The following WBP2 variants were observed in gnomAD, a reference collection of about 807,000 sequenced individuals.
The protein encoded by WBP2 is WW domain binding protein 2, also known as WW domain-binding protein 2.
In WBP2, 23 loss-of-function variants were observed where a neutral mutation model predicts 33.0. That is an observed-to-expected ratio of 0.70 (90% CI 0.50 to 0.99). The LOEUF is 0.99. Among genes scored for constraint, WBP2 ranks in the 50% least tolerant of loss-of-function variants. WBP2 has a pLI of 0.00. For synonymous variants in WBP2, 153 were observed against 133.5 expected, an observed-to-expected ratio of 1.15 and a Z score of -1.01; for missense variants, 353 against 358.0, an observed-to-expected ratio of 0.99 and a Z score of 0.11.
rs769150341 is a variant in WBP2 at position 75,848,703 on chromosome 17, A to G, written c.305-41T>C. The G allele has an allele frequency of 1.2e-5, 19 of 1,553,822 alleles. No individual in the cohort carries two copies. In the Middle Eastern group the frequency reaches 6.7e-4, roughly 55 times the overall value. On this transcript the variant is annotated intron_variant, in intron 3 of 7. Transcript: ENST00000254806. ...CAGTGAATAAACAGCACAGGAAAAGAAAACTTATGCCCAAAGAGATGGCTG... is the reference window on the plus strand; with the variant it reads ...CAGTGAATAAACAGCACAGGAAAAGGAAACTTATGCCCAAAGAGATGGCTG...
chr17:75,853,176 A>G (rs1487599426), intron 1 of WBP2, among the ~76,000 whole-genome samples: 1 of 152,054 alleles, frequency 6.6e-6, no homozygotes, highest in Non-Finnish European at 1.5e-5. Context: ...CCTTCCAAGT[A>G]GCTGGGATTA....
intron 6 of WBP2, 169 bp from the exon 7 acceptor site, chr17:75,847,153 C>T (rs557433034): frequency 6.8e-6 from 5 of 734,734 alleles, no homozygotes; most frequent in Admixed American, 2.5e-5. Context: ...TGGCACGGTC[C>T]TTTCCAGGCC....
At chr17:75,848,861 G>A (rs1020082737) in intron 3 of WBP2, 199 bp from the exon 4 acceptor site, 129 of 605,574 alleles carry the variant, frequency 2.1e-4, no homozygotes, top group Middle Eastern at 8.8e-4. Context: ...GCCTGGCCTG[G>A]CCCTGCTGTA....
At chr17:75,851,467 G>A (rs2143928483) in intron 2 of WBP2, 101 bp downstream of exon 2, 5 of 836,684 alleles carry the variant, frequency 6.0e-6, no homozygotes, top group South Asian at 5.5e-5. Context: ...AGGATTCAGA[G>A]GCCACCTGAC....
At chr17:75,849,890 G>T in intron 2 of WBP2, 151 bp from the exon 3 acceptor site, 2 of 1,152,478 alleles carry the variant, frequency 1.7e-6, no homozygotes, top group Non-Finnish European at 1.2e-6. Flanking sequence ...CCTGGAGAGA[G>T]CTTTGGAAAG....
rs763952469 is a variant in WBP2, at chr17:75,847,817, G to A, written c.511C>T (p.Pro171Ser). 2.6e-5 allele frequency: 41 copies of A among 1,558,718 alleles called. No homozygotes were observed. The South Asian group carries it at 4.5e-4, about 17-fold the overall frequency. Reference sequence around the variant, plus strand: ...TCACCAGGTGGGGGCGGTGGATAGGGGTAGCCAGGAGGGCAGGGGTACATT... The same window carrying A: ...TCACCAGGTGGGGGCGGTGGATAGGAGTAGCCAGGAGGGCAGGGGTACATT... ...NGMYPCPPGY[P>S]YPPPPPEFYP... The change falls in exon 5 of 8, where the codon CCC becomes TCC. Residue 171 changes from proline to serine, a missense_variant. Physicochemically the swap from Pro to Ser is moderately conservative, Grantham distance 74 (BLOSUM62 -1). Coordinates refer to ENST00000254806, the MANE Select transcript of WBP2 (RefSeq NM_012478.4).
rs750379590 is a variant in WBP2 at position 75,848,560 on chromosome 17, G to A, written c.397+10C>T. The A allele has an allele frequency of 1.2e-6, 2 of 1,612,898 alleles. No individual in the cohort carries two copies. Among genetic ancestry groups the A allele is most frequent in the South Asian group, 2.2e-5 (2 of 90,940 alleles). ...GTGTCTTTAGCCCCTAATCTTCGGAGCCTGGATACCTTGAGATGCCACCTG... is the reference window on the plus strand; with the variant it reads ...GTGTCTTTAGCCCCTAATCTTCGGAACCTGGATACCTTGAGATGCCACCTG... On this transcript the variant is annotated intron_variant, in intron 4 of 7. Coordinates refer to ENST00000254806, the MANE Select transcript of WBP2 (RefSeq NM_012478.4).
chr17:75,850,356 C>T (rs1377577260), intron 2 of WBP2, among the ~76,000 whole-genome samples: 4 of 152,020 alleles, frequency 2.6e-5, no homozygotes, highest in African/African-American at 9.7e-5. Flanking sequence ...CGCCATTCTC[C>T]TGCCTCAGCC....
At chr17:75,847,033 G>T (rs2064997426) in intron 6 of WBP2, 49 bp from the exon 7 acceptor site, 1 of 1,609,736 alleles carries the variant, frequency 6.2e-7, no homozygotes, top group Non-Finnish European at 8.5e-7. Flanking sequence ...TCCTCCCCCT[G>T]AGCTCAGCTA....
intron 6 of WBP2, 88 bp downstream of exon 6, chr17:75,847,399 C>T (rs138180008): frequency 2.9e-5 from 45 of 1,539,358 alleles, no homozygotes; most frequent in Non-Finnish European, 3.3e-5. Flanking sequence ...CGGCTCTCAG[C>T]AGTCTCTGGC....
upstream of WBP2, among the ~76,000 whole-genome samples, chr17:75,855,719 C>T (rs924092520): frequency 1.3e-5 from 2 of 152,380 alleles, no homozygotes; most frequent in South Asian, 2.1e-4. Flanking sequence ...ACTCCGGCAG[C>T]GCGTTAAGGG....
chr17:75,846,633 G>A lies in WBP2; in HGVS notation c.*101C>T, dbSNP rs757175524. 73 of 1,323,434 alleles carry A rather than the reference G, an allele frequency of 5.5e-5. No homozygotes were observed. Among genetic ancestry groups the A allele is most frequent in the Non-Finnish European group, 7.5e-5 (71 of 946,236 alleles). The allele number at this position is 1,323,434 out of a possible 1,614,324, so 82.0% of individuals were successfully genotyped here. A position where few individuals can be genotyped will look rare whatever the true frequency, so the allele number is the denominator to read the frequency against. ...GTAATTGTTTATGATCAGACCTGGA[G>A]GGAGAACAAGGCGCCCCCTCCCCTC... On this transcript the variant is annotated 3_prime_UTR_variant, in exon 8 of 8. Coordinates refer to ENST00000254806, the MANE Select transcript of WBP2 (RefSeq NM_012478.4). This position sits in a 1 kb window ranked among gnomAD's most constrained non-coding sequence, Gnocchi z 4.8.
upstream of WBP2, chr17:75,855,583 C>T (rs892788720): frequency 7.2e-5 from 35 of 483,516 alleles, no homozygotes; most frequent in Non-Finnish European, 1.1e-4. Flanking sequence ...CTTGTAGTCT[C>T]CTGGATCATA....
intron 2 of WBP2, among the ~76,000 whole-genome samples, chr17:75,850,154 G>A (rs989519939): frequency 2.0e-5 from 3 of 152,254 alleles, no homozygotes; most frequent in Non-Finnish European, 2.9e-5. Context: ...GCAGTAGGTC[G>A]CTAGCTCCCA....
intron 1 of WBP2, among the ~76,000 whole-genome samples, chr17:75,853,773 C>T (rs552836867): frequency 2.0e-5 from 3 of 152,142 alleles, no homozygotes; most frequent in South Asian, 2.1e-4. Flanking sequence ...TGGCTGGGCG[C>T]GGTGGCTCAC....
rs148603003 is a variant in WBP2 at position 75,851,382 on chromosome 17, A to G, written c.168+186T>C. On this transcript the variant is annotated intron_variant, in intron 2 of 7. Coordinates refer to ENST00000254806, the MANE Select transcript of WBP2 (RefSeq NM_012478.4). ...ACTGCCCAGTGGTCAGGTCAGTTAC[A>G]CAAAGAGCCTGGTGATTCTGGAATC... is the stretch of plus-strand genomic sequence containing the variant. 726 of 537,360 alleles carry G rather than the reference A, an allele frequency of 1.4e-3. 4 individuals are homozygous for G. Among genetic ancestry groups the G allele is most frequent in the African/African-American group, 0.012 (641 of 52,712 alleles). 33.3% of individuals were successfully genotyped at this position (537,360 alleles called of 1,614,324 possible).
chr17:75,850,741 C>T (rs1453343986), intron 2 of WBP2, among the ~76,000 whole-genome samples: 2 of 152,050 alleles, frequency 1.3e-5, no homozygotes, highest in Admixed American at 6.6e-5. Flanking sequence ...GTTGCCCAGG[C>T]TAGAATCCAG....
rs1232983983 is a variant in WBP2 at position 75,849,671 on chromosome 17, G to A, written c.237C>T (p.Asp79=). The change falls in exon 3 of 8, where the codon GAC becomes GAT. Residue 79 remains aspartate (D), a synonymous_variant. Coordinates refer to ENST00000254806, the MANE Select transcript of WBP2 (RefSeq NM_012478.4). The part of the protein sequence containing the change: ...SFMMPFYLMK[D]CEIKQPVFGA... ...CAAATACGGGCTGCTTGATCTCACA[G>A]TCTTTCATGAGATAAAATGGCATCA... 2 of 1,614,182 alleles carry A rather than the reference G, an allele frequency of 1.2e-6. No individual in the cohort carries two copies. The highest frequency in any genetic ancestry group is 3.3e-5 in the Admixed American group (2 of 60,022).
intron 1 of WBP2, among the ~76,000 whole-genome samples, chr17:75,854,365 A>AT (rs1224315133): frequency 6.6e-6 from 1 of 152,126 alleles, no homozygotes; most frequent in Non-Finnish European, 1.5e-5. Flanking sequence ...GGCTGGTCTG[A>AT]TTTTCAATAC....
Sources: allele counts gnomAD v4.1 joint callset (sites outside exome capture counted in the v4.1 genomes callset), GRCh38; gene constraint gnomAD v4.1.1; non-coding constraint Gnocchi (gnomAD v3.1); transcripts MANE v1.5; gene names NCBI Gene and HGNC (gene_info 2026-07-23, HGNC 2026-07-21).